HIVEP3: variants seen among roughly 807,000 people sequenced by gnomAD.
HIVEP3 encodes HIVEP zinc finger 3.
HIVEP3 carries 49 observed loss-of-function variants against 152.8 expected under a neutral mutation model. The observed-to-expected ratio is 0.32, with a 90% CI of 0.26 to 0.41. The LOEUF (loss-of-function observed/expected upper bound fraction) is 0.41. Among genes scored for constraint, HIVEP3 ranks in the 10% least tolerant of loss-of-function variants. The pLI is 1.00. For missense variants in HIVEP3, 2,790 were observed against 3,103.3 expected (o/e 0.90, Z 2.40); for synonymous variants, 1,269 against 1,289.0 (o/e 0.98, Z 0.33).
At chr1:41,755,227 G>A (rs528470096) in intron 1 of HIVEP3, among the ~76,000 whole-genome samples, 7 of 152,098 alleles carry the variant, frequency 4.6e-5, no homozygotes, top group South Asian at 4.1e-4. Flanking sequence ...TTTAACAAGC[G>A]GTGCTAGAAA....
At chr1:41,981,931 T>C (rs770717364) in intron 1 of HIVEP3, among the ~76,000 whole-genome samples, 2 of 152,184 alleles carry the variant, frequency 1.3e-5, no homozygotes, top group Non-Finnish European at 2.9e-5. Flanking sequence ...TTCTGCTGCC[T>C]AGCATTTAAA....
In HIVEP3 at chr1:41,582,784, C is replaced by A; in HGVS notation, c.2014G>T (p.Ala672Ser). The A allele has an allele frequency of 6.2e-7, 1 of 1,614,150 alleles. No homozygotes were observed. The highest frequency in any genetic ancestry group is 8.5e-7 in the Non-Finnish European group (1 of 1,180,008). Residue 672 changes from alanine (A) to serine (S), a missense_variant, in exon 4 of 9, where the codon GCA becomes TCA. Ala to Ser is a moderately conservative substitution (Grantham distance 99). This residue lies in a region of HIVEP3 where 339 missense variants were observed against 327.0 expected (regional missense o/e 1.04). Coordinates refer to ENST00000372583, the MANE Select transcript of HIVEP3 (RefSeq NM_024503.5). This position sits in a 1 kb window ranked among gnomAD's most constrained non-coding sequence, Gnocchi z 4.7. Reference sequence around the variant, plus strand: ...TGGGTGCCTGCAGAGATGGGCTTTGCGATCTGAAGCTCTGAGCAGTAGTAT... The same window carrying A: ...TGGGTGCCTGCAGAGATGGGCTTTGAGATCTGAAGCTCTGAGCAGTAGTAT... ...KKYYCSELQI[A>S]KPISAGTHTS...
chr1:41,966,292 C>A (rs1645197144), intron 1 of HIVEP3, among the ~76,000 whole-genome samples: 1 of 152,060 alleles, frequency 6.6e-6, no homozygotes, highest in African/African-American at 2.4e-5. Context: ...AGTACACAGA[C>A]CAATGACACT....
At chr1:41,899,638 T>G (rs1644588901) in intron 1 of HIVEP3, among the ~76,000 whole-genome samples, 1 of 152,144 alleles carries the variant, frequency 6.6e-6, no homozygotes, top group African/African-American at 2.4e-5. Context: ...GAACTCCTGA[T>G]GTCAGCTGAT....
chr1:42,022,783 T>C (rs1031417608), intron 1 of HIVEP3, among the ~76,000 whole-genome samples: 2 of 152,200 alleles, frequency 1.3e-5, no homozygotes, highest in Non-Finnish European at 2.9e-5. Flanking sequence ...GTCTTCTCTG[T>C]AGGTAAGTAT....
rs962938007 is a variant in HIVEP3, at chr1:41,581,070, T to C, written c.3728A>G (p.Gln1243Arg). The C allele has an allele frequency of 6.4e-7, 1 of 1,557,748 alleles. No individual in the cohort carries two copies. Among genetic ancestry groups the C allele is most frequent in the Non-Finnish European group, 8.7e-7 (1 of 1,150,610 alleles). ...AGGGAGCTGAAGTGCAAACTGGGAT[T>C]GCAGAGGCAGGAAAAACCCAGAAGA... ...ALSSGFFLPL[Q>R]SQFALQLPGD... Residue 1243 changes from glutamine (Q) to arginine (R), a missense_variant, in exon 4 of 9, where the codon CAA becomes CGA. Around this residue, in one of 9 missense-constraint regions of HIVEP3, gnomAD observed 1,078 missense variants for 1,165.3 expected, o/e 0.93. Coordinates refer to ENST00000372583, the MANE Select transcript of HIVEP3 (RefSeq NM_024503.5). This position sits in a 1 kb window ranked among gnomAD's most constrained non-coding sequence, Gnocchi z 4.5.
chr1:41,866,315 T>C (rs533302502), intron 1 of HIVEP3, among the ~76,000 whole-genome samples: 1 of 152,348 alleles, frequency 6.6e-6, no homozygotes, highest in Non-Finnish European at 1.5e-5. Flanking sequence ...TGGAAACCAC[T>C]GCAGCTGCTG....
intron 5 of HIVEP3, among the ~76,000 whole-genome samples, chr1:41,567,397 G>A (rs1396073233): frequency 6.6e-6 from 1 of 152,198 alleles, no homozygotes; most frequent in African/African-American, 2.4e-5. Context: ...AGGAGAGAGG[G>A]GGCAACAGGA....
chr1:41,796,816 G>C (rs1322668983), intron 1 of HIVEP3, among the ~76,000 whole-genome samples: 1 of 152,142 alleles, frequency 6.6e-6, no homozygotes, highest in Non-Finnish European at 1.5e-5. Flanking sequence ...TTATCAGTAA[G>C]TACTTCACAG....
intron 1 of HIVEP3, among the ~76,000 whole-genome samples, chr1:41,715,016 G>A (rs994935777): frequency 1.1e-4 from 16 of 152,198 alleles, no homozygotes; most frequent in African/African-American, 2.4e-4. Context: ...TGCTGGCATC[G>A]GGGGAGCTGG....
At chr1:41,672,987 C>T (rs553917908) in intron 2 of HIVEP3, among the ~76,000 whole-genome samples, 6 of 152,278 alleles carry the variant, frequency 3.9e-5, no homozygotes, top group Admixed American at 3.9e-4. Context: ...GGAAATGTAC[C>T]GGGAATATAC....
intron 1 of HIVEP3, among the ~76,000 whole-genome samples, chr1:41,911,521 G>A (rs1019537703): frequency 3.3e-5 from 5 of 151,994 alleles, no homozygotes; most frequent in South Asian, 4.1e-4. Flanking sequence ...CATAGTCTGT[G>A]GCCAGTAATT....
intron 7 of HIVEP3, among the ~76,000 whole-genome samples, chr1:41,518,029 C>A (rs576504452): frequency 2.6e-5 from 4 of 152,344 alleles, no homozygotes; most frequent in African/African-American, 9.6e-5. Context: ...GCATTTAGAA[C>A]CCGCCTGACA....
chr1:41,520,842 T>C (rs1388493264), intron 6 of HIVEP3, among the ~76,000 whole-genome samples: 3 of 152,224 alleles, frequency 2.0e-5, no homozygotes, highest in Non-Finnish European at 4.4e-5. Context: ...GCTTCTGATC[T>C]GACTCTGGGC....
intron 1 of HIVEP3, among the ~76,000 whole-genome samples, chr1:41,960,306 A>C (rs1205527297): frequency 1.3e-5 from 2 of 152,364 alleles, no homozygotes; most frequent in Admixed American, 1.3e-4. Context: ...CTGACCAAGA[A>C]GAATCCTGCA....
intron 1 of HIVEP3, among the ~76,000 whole-genome samples, chr1:41,970,933 C>T (rs572135789): frequency 6.6e-6 from 1 of 152,252 alleles, no homozygotes; most frequent in South Asian, 2.1e-4. Flanking sequence ...CCTGGCCCTG[C>T]TGACACCTTT....
At chr1:41,639,377 A>T (rs1053936519) in intron 2 of HIVEP3, among the ~76,000 whole-genome samples, 4 of 152,184 alleles carry the variant, frequency 2.6e-5, no homozygotes, top group African/African-American at 9.7e-5. Flanking sequence ...TCAGAAAGAC[A>T]TGGGTTCAGA....
rs1646038598 is a variant in HIVEP3 at position 41,681,519 on chromosome 1, C to CA, written c.-721+19396dup. 4.6e-5 allele frequency among the ~76,000 whole-genome samples: 7 copies of CA among 152,296 alleles called. No individual in the cohort carries two copies. In the South Asian group the frequency reaches 1.5e-3, roughly 32 times the overall value. On this transcript the variant is annotated intron_variant, in intron 2 of 8. Coordinates refer to ENST00000372583, the MANE Select transcript of HIVEP3 (RefSeq NM_024503.5). ...CATACTAAAGTGCTCAGCTGGTGCTCACGTGGCTGCAGGCCTCCTGCCTGT... is the reference window on the plus strand; with the variant it reads ...CATACTAAAGTGCTCAGCTGGTGCTCAACGTGGCTGCAGGCCTCCTGCCTGT...
Position 41,734,422 on chromosome 1 carries a change from C to T in HIVEP3, c.-800-33427G>A, listed in dbSNP as rs1044610830. Among the ~76,000 whole-genome samples the T allele has an allele frequency of 4.6e-5, 7 of 152,250 alleles. No individual in the cohort carries two copies. In the East Asian group the frequency reaches 5.8e-4, roughly 13 times the overall value. ...CATACATTCAGTGACTGGACTAACT[C>T]GGCAAATGTTTCCAGCCACCCCCTC... On this transcript the variant is annotated intron_variant, in intron 1 of 8. Transcript: ENST00000372583.
Sources: gnomAD v4.1 joint callset for allele counts (sites outside exome capture counted in the v4.1 genomes callset) on GRCh38, gnomAD v4.1.1 for gene constraint, gnomAD v4.1.1 regional missense constraint, Gnocchi (gnomAD v3.1) non-coding constraint, MANE v1.5 for transcripts, NCBI Gene and HGNC (gene_info 2026-07-23, HGNC 2026-07-21) for gene names.